The following GLI2 variants were observed in gnomAD, a reference collection of about 807,000 sequenced individuals.
GLI2 encodes the protein transcription activator GLI2.
In GLI2, 22 loss-of-function variants were observed where a neutral mutation model predicts 78.9. The observed-to-expected ratio is 0.28, with a 90% CI of 0.20 to 0.40. The LOEUF is 0.40. Ranked by LOEUF, GLI2 falls within the 10% of genes least tolerant of loss-of-function variation. The probability of loss-of-function intolerance (pLI) is 1.00; values close to 1 mark genes in which losing one functional copy is unlikely to be tolerated. For missense variants in GLI2, 2,097 were observed against 2,213.2 expected (o/e 0.95, Z 1.05); for synonymous variants, 974 against 963.7 (o/e 1.01, Z -0.20).
intron 1 of GLI2, among the ~76,000 whole-genome samples, chr2:120,748,714 A>T (rs187132887): frequency 1.3e-4 from 20 of 152,136 alleles, no homozygotes; most frequent in African/African-American, 4.8e-4. Context: ...TTGCCTTCTC[A>T]TTCTCCCCGT....
intron 2 of GLI2, among the ~76,000 whole-genome samples, chr2:120,808,650 G>GA (rs1685076178): frequency 6.6e-6 from 1 of 152,218 alleles, no homozygotes; most frequent in Non-Finnish European, 1.5e-5. Context: ...CGCCATGTTG[G>GA]TGACAAGAAA....
chr2:120,736,829 G>T (rs1682372948), intron 1 of GLI2, among the ~76,000 whole-genome samples: 1 of 132,332 alleles, frequency 7.6e-6, no homozygotes, highest in African/African-American at 2.9e-5. Context: ...CCTCCCCCTC[G>T]CCCGGCCCGG....
intron 4 of GLI2, among the ~76,000 whole-genome samples, chr2:120,952,989 C>T (rs1681070574): frequency 6.6e-6 from 1 of 152,246 alleles, no homozygotes; most frequent in Admixed American, 6.5e-5. Flanking sequence ...GGCGTTCCTT[C>T]CTACTACTCC....
intron 5 of GLI2, among the ~76,000 whole-genome samples, chr2:120,968,362 A>C (rs1681959553): frequency 6.6e-6 from 1 of 152,052 alleles, no homozygotes; most frequent in Non-Finnish European, 1.5e-5. Context: ...CGAACTGCTC[A>C]CTTATGATTC....
intron 5 of GLI2, among the ~76,000 whole-genome samples, chr2:120,960,603 T>A (rs537260384): frequency 6.6e-6 from 1 of 152,354 alleles, no homozygotes; most frequent in Non-Finnish European, 1.5e-5. Context: ...GAAAACCTAA[T>A]CCCTGTCTGA....
At chr2:120,939,290 A>G (rs1420038380) in intron 3 of GLI2, among the ~76,000 whole-genome samples, 2 of 152,092 alleles carry the variant, frequency 1.3e-5, no homozygotes, top group African/African-American at 4.8e-5. Flanking sequence ...AGAAAAAAAA[A>G]AAGAACAACA....
intron 3 of GLI2, among the ~76,000 whole-genome samples, chr2:120,939,304 G>C (rs943115772): frequency 6.6e-6 from 1 of 151,866 alleles, no homozygotes; most frequent in African/African-American, 2.4e-5. Flanking sequence ...AACAACAAAA[G>C]CATGTTTAAG....
chr2:120,842,342 T>A (rs1233426706), intron 2 of GLI2, among the ~76,000 whole-genome samples: 1 of 152,236 alleles, frequency 6.6e-6, no homozygotes, highest in Non-Finnish European at 1.5e-5. Context: ...TTTAATGCAA[T>A]TGTCAGCATC....
Position 120,797,467 on chromosome 2 carries a change from A to C in GLI2, c.147A>C (p.Gly49=). 1.2e-6 allele frequency: 2 copies of C among 1,613,642 alleles called. No individual in the cohort carries two copies. Among genetic ancestry groups the C allele is most frequent in the Non-Finnish European group, 1.7e-6 (2 of 1,179,714 alleles). ...AAAAAAVAAQ[G]VPQHLLPPFH... ...CAGCAGCAGCGGTAGCTGCCCAAGG[A>C]GGTACTTTCTGTTTCGCACACTTGG... Residue 49 remains glycine (G), a splice_region_variant and synonymous_variant, in exon 2 of 14, where the codon GGA becomes GGC. Coordinates refer to ENST00000361492, the MANE Select transcript of GLI2 (RefSeq NM_001374353.1).
chr2:120,951,668 T>G, intron 4 of GLI2: 1 of 541,386 alleles, frequency 1.8e-6, no homozygotes, highest in South Asian at 3.0e-5. Flanking sequence ...CCATATATGA[T>G]CTATTGTAAT....
At chr2:120,887,481 G>A (rs756009763) in intron 2 of GLI2, among the ~76,000 whole-genome samples, 1 of 152,230 alleles carries the variant, frequency 6.6e-6, no homozygotes, top group Non-Finnish European at 1.5e-5. Flanking sequence ...CCCACTCCCC[G>A]CGCTGGCGAA....
At chr2:120,747,352 G>T (rs1682724493) in intron 1 of GLI2, among the ~76,000 whole-genome samples, 1 of 152,152 alleles carries the variant, frequency 6.6e-6, no homozygotes, top group African/African-American at 2.4e-5. Flanking sequence ...GGGTAAGCAG[G>T]GCCTCAGAGA....
intron 2 of GLI2, among the ~76,000 whole-genome samples, chr2:120,868,073 A>G (rs1034654423): frequency 1.3e-5 from 2 of 152,186 alleles, no homozygotes; most frequent in African/African-American, 4.8e-5. Context: ...CTCTCGGGGT[A>G]CCAGTGAGAA....
chr2:120,927,884 G>C (rs1679765792), intron 3 of GLI2, among the ~76,000 whole-genome samples: 1 of 152,124 alleles, frequency 6.6e-6, no homozygotes, highest in Non-Finnish European at 1.5e-5. Flanking sequence ...ATAGTAAATT[G>C]TATAGTCACC....
intron 1 of GLI2, among the ~76,000 whole-genome samples, chr2:120,790,158 T>A (rs1684106668): frequency 2.0e-5 from 3 of 152,180 alleles, no homozygotes; most frequent in Admixed American, 6.5e-5. Flanking sequence ...GTGTCTCCCT[T>A]CGTTGTCCTC....
At chr2:120,758,927 C>A (rs1237012527) in intron 1 of GLI2, among the ~76,000 whole-genome samples, 1 of 152,170 alleles carries the variant, frequency 6.6e-6, no homozygotes, top group Non-Finnish European at 1.5e-5. Flanking sequence ...GTGCAGCTGG[C>A]CTTCCTCTCC....
rs376969137 is a variant in GLI2, at chr2:120,988,835, G to C, written c.2870G>C (p.Arg957Pro). ...GGARRASDPV[R>P]RPDALSLPRV... Reference sequence around the variant, plus strand: ...GCCAGGCGGGCCAGCGACCCTGTGCGGCGGCCCGATGCCCTGTCCCTGCCG... The same window carrying C: ...GCCAGGCGGGCCAGCGACCCTGTGCCGCGGCCCGATGCCCTGTCCCTGCCG... The change falls in exon 14 of 14, where the codon CGG (arginine) becomes CCG (proline). Residue 957 changes from arginine to proline, a missense_variant. By Grantham distance (103) the Arg-to-Pro change is moderately radical. Transcript: ENST00000361492. The C allele has an allele frequency of 2.0e-5, 29 of 1,470,200 alleles. No individual in the cohort carries two copies. Among genetic ancestry groups the C allele is most frequent in the Non-Finnish European group, 3.6e-6 (4 of 1,112,570 alleles). 91.1% of individuals were successfully genotyped at this position (1,470,200 alleles called of 1,614,324 possible).
chr2:120,987,729 C>T (rs1469893255), intron 13 of GLI2, among the ~76,000 whole-genome samples: 1 of 152,148 alleles, frequency 6.6e-6, no homozygotes, highest in East Asian at 1.9e-4. Context: ...CTGCTCATCC[C>T]CTCCTCTGCG....
At chr2:120,781,845 T>C (rs2104671258) in intron 1 of GLI2, among the ~76,000 whole-genome samples, 1 of 151,236 alleles carries the variant, frequency 6.6e-6, no homozygotes, top group Middle Eastern at 3.4e-3. Flanking sequence ...ATTATACCAC[T>C]GTACTCCAGC....
Sources: gnomAD v4.1 joint callset for allele counts (sites outside exome capture counted in the v4.1 genomes callset) on GRCh38, gnomAD v4.1.1 for gene constraint, MANE v1.5 for transcripts, NCBI Gene and HGNC (gene_info 2026-07-23, HGNC 2026-07-21) for gene names.